The following PCDHA5 variants were observed in gnomAD, a reference collection of about 807,000 sequenced individuals.
PCDHA5 encodes protocadherin alpha-5.
In PCDHA5, 43 loss-of-function variants were observed where a neutral mutation model predicts 61.6. The observed-to-expected ratio is 0.70, with a 90% CI of 0.55 to 0.90. The LOEUF is 0.90. Ranked by LOEUF, PCDHA5 falls within the 40% of genes least tolerant of loss-of-function variation. PCDHA5 has a pLI of 0.00. For synonymous variants in PCDHA5, 627 were observed against 543.9 expected, an observed-to-expected ratio of 1.15 and a Z score of -2.13; for missense variants, 1,298 against 1,222.7, an observed-to-expected ratio of 1.06 and a Z score of -0.92.
intron 1 of PCDHA5, chr5:140,829,205 A>C (rs2150163875): frequency 6.2e-7 from 1 of 1,614,212 alleles, no homozygotes; most frequent in Non-Finnish European, 8.5e-7. Flanking sequence ...CATCGCCCTA[A>C]TTAGCGTGAA....
At chr5:140,969,253 C>T in intron 1 of PCDHA5, 3 of 1,614,202 alleles carry the variant, frequency 1.9e-6, no homozygotes, top group Non-Finnish European at 2.5e-6. Flanking sequence ...TGACTGACAG[C>T]AGGAATCTCA....
At chr5:140,884,152 T>G (rs1279761986) in intron 1 of PCDHA5, 7 of 1,613,332 alleles carry the variant, frequency 4.3e-6, no homozygotes, top group East Asian at 2.2e-5. Context: ...GGCTGTACAC[T>G]GGCGAGATCA....
In PCDHA5 at chr5:140,822,757, C is replaced by T. The variant is rs2150119240; in HGVS notation, c.982C>T (p.Pro328Ser). The T allele has an allele frequency of 2.7e-5, 44 of 1,613,870 alleles. No individual in the cohort carries two copies. Among genetic ancestry groups the T allele is most frequent in the Non-Finnish European group, 3.6e-5 (43 of 1,179,794 alleles). The change falls in exon 1 of 4, where the codon CCA becomes TCA. Residue 328 changes from proline (P) to serine (S), a missense_variant. Physicochemically the swap from Pro to Ser is moderately conservative, Grantham distance 74. Coordinates refer to ENST00000529859, the MANE Select transcript of PCDHA5 (RefSeq NM_018908.3). The part of the protein sequence containing the change: ...NIDAMDKSTF[P>S]LSGHCKVVVK... ...TGATGCCATGGATAAAAGTACATTC[C>T]CATTATCAGGACACTGTAAAGTAGT...
In PCDHA5 at chr5:140,983,247, G is replaced by A. The variant is rs112993813; in HGVS notation, c.2500+684G>A. ...ACTTTCAGGAAAGAGAACCTGCTAA[G>A]TTGTGTAAAAAACCTAATGGCTGGG... On this transcript the variant is annotated intron_variant, in intron 3 of 3. Coordinates refer to ENST00000529859, the MANE Select transcript of PCDHA5 (RefSeq NM_018908.3). Among the ~76,000 whole-genome samples the A allele has an allele frequency of 9.0e-3, 1,377 of 152,306 alleles. 16 individuals are homozygous for A. The highest frequency in any genetic ancestry group is 0.043 in the East Asian group (224 of 5,190).
intron 1 of PCDHA5, among the ~76,000 whole-genome samples, chr5:140,832,290 A>G (rs1433191230): frequency 6.6e-6 from 1 of 152,162 alleles, no homozygotes; most frequent in African/African-American, 2.4e-5. Context: ...TGAATGGTGT[A>G]TTTGCCCACA....
chr5:140,869,346 T>C (rs781810947), intron 1 of PCDHA5: 4 of 1,614,054 alleles, frequency 2.5e-6, no homozygotes, highest in Non-Finnish European at 2.5e-6. Context: ...ATCTGCAGAA[T>C]GGCATTTTGT....
chr5:140,850,045 T>A lies in PCDHA5; in HGVS notation c.2352+25918T>A, dbSNP rs782277317. 1.9e-6 allele frequency: 3 copies of A among 1,596,208 alleles called. No individual in the cohort carries two copies. Among genetic ancestry groups the A allele is most frequent in the Non-Finnish European group, 2.6e-6 (3 of 1,167,714 alleles). On this transcript the variant is annotated intron_variant, in intron 1 of 3. Transcript: ENST00000529859. ...TCAGTGCACGCGGAGAGCGGCAAGG[T>A]GTACGCGCTGCAGCCGTTGGACCAC... is the stretch of plus-strand genomic sequence containing the variant.
chr5:140,927,706 C>G lies in PCDHA5; in HGVS notation c.2353-51243C>G, dbSNP rs1584519766. The G allele has an allele frequency of 1.2e-6, 2 of 1,614,108 alleles. No homozygotes were observed. Among genetic ancestry groups the G allele is most frequent in the African/African-American group, 2.7e-5 (2 of 74,940 alleles). Reference sequence around the variant, plus strand: ...GTCCAATGGGGAAGTCCAGTACTCCCTAAGCAACAGCACGCAAGCAGAGCT... The same window carrying G: ...GTCCAATGGGGAAGTCCAGTACTCCGTAAGCAACAGCACGCAAGCAGAGCT... On this transcript the variant is annotated intron_variant, in intron 1 of 3. Coordinates refer to ENST00000529859, the MANE Select transcript of PCDHA5 (RefSeq NM_018908.3).
chr5:140,965,676 G>A (rs906070464), intron 1 of PCDHA5, among the ~76,000 whole-genome samples: 1 of 152,132 alleles, frequency 6.6e-6, no homozygotes, highest in African/African-American at 2.4e-5. Flanking sequence ...AAATGTAAAA[G>A]ATTTGAAGCA....
intron 1 of PCDHA5, chr5:140,828,472 C>T (rs1554131328): frequency 1.9e-6 from 3 of 1,614,216 alleles, no homozygotes; most frequent in African/African-American, 1.3e-5. Flanking sequence ...GGGACATTAA[C>T]GACAACCCGC....
intron 3 of PCDHA5, among the ~76,000 whole-genome samples, chr5:140,985,740 T>C (rs992695405): frequency 1.9e-5 from 1 of 53,688 alleles, no homozygotes; most frequent in Admixed American, 1.9e-4. Context: ...GATGAATTCC[T>C]TTTTTTTTTT....
chr5:140,957,159 C>G (rs2095337596), intron 1 of PCDHA5, among the ~76,000 whole-genome samples: 1 of 151,974 alleles, frequency 6.6e-6, no homozygotes, highest in Non-Finnish European at 1.5e-5. Flanking sequence ...GGAGACAAAT[C>G]TAAGTATATA....
At position 140,959,344 on chromosome 5, in the gene PCDHA5, C is replaced by T. The variant is rs541663379; in HGVS notation, c.2353-19605C>T. Among the ~76,000 whole-genome samples the T allele has an allele frequency of 2.0e-4, 30 of 152,112 alleles. No individual in the cohort carries two copies. The South Asian group carries it at 6.0e-3, about 31-fold the overall frequency. On this transcript the variant is annotated intron_variant, in intron 1 of 3. Coordinates refer to ENST00000529859, the MANE Select transcript of PCDHA5 (RefSeq NM_018908.3). Reference sequence around the variant, plus strand: ...AAGTTTTGATTATGCTACTGCACTCCAGCGGGACAACTGAGTGAGACCCTG... The same window carrying T: ...AAGTTTTGATTATGCTACTGCACTCTAGCGGGACAACTGAGTGAGACCCTG...
At chr5:140,836,630 A>G in intron 1 of PCDHA5, 3 of 1,613,502 alleles carry the variant, frequency 1.9e-6, no homozygotes, top group South Asian at 1.1e-5. Flanking sequence ...GGAGCTGGTC[A>G]TTCTCCCAGC....
chr5:140,921,974 T>G lies in PCDHA5; in HGVS notation c.2353-56975T>G, dbSNP rs184369031. Among the ~76,000 whole-genome samples the G allele has an allele frequency of 1.1e-3, 161 of 151,826 alleles. 2 individuals are homozygous for G. The highest frequency in any genetic ancestry group is 2.1e-3 in the Non-Finnish European group (141 of 67,922). The stretch of plus-strand genomic sequence containing the variant: ...AATCCCAGAAAACCAAAGGAAAAAA[T>G]AGAACTAAAAAAGAGTTCAATGAAA... On this transcript the variant is annotated intron_variant, in intron 1 of 3. Transcript: ENST00000529859.
Position 140,858,059 on chromosome 5 carries a change from G to C in PCDHA5, c.2352+33932G>C, listed in dbSNP as rs200045353. 1,846 of 1,597,616 alleles carry C rather than the reference G, an allele frequency of 1.2e-3. 155 individuals carry two copies. The highest frequency in any genetic ancestry group is 1.5e-3 in the Middle Eastern group (9 of 5,984). On this transcript the variant is annotated intron_variant, in intron 1 of 3. Coordinates refer to ENST00000529859, the MANE Select transcript of PCDHA5 (RefSeq NM_018908.3). ...CACTGTGCTTGTGTCGCTTGTGGAG[G>C]GCAGCCAGGCACCCAAGGCCTCGTC...
intron 1 of PCDHA5, chr5:140,870,883 C>G: frequency 6.2e-7 from 1 of 1,613,920 alleles, no homozygotes; most frequent in South Asian, 1.1e-5. Flanking sequence ...GGCGAAGGTG[C>G]GCGCAGTGGA....
rs1222255074 is a variant in PCDHA5 at position 141,012,119 on chromosome 5, A to G, written c.*2182A>G. ...CATTTTGCCCCACTGAAGCCCATGT[A>G]TCTGACCTTACGTGCCTTTTGAACT... On this transcript the variant is annotated 3_prime_UTR_variant, in exon 4 of 4. Coordinates refer to ENST00000529859, the MANE Select transcript of PCDHA5 (RefSeq NM_018908.3). 6.5e-6 allele frequency: 1 copy of G among 153,734 alleles called. No individual in the cohort carries two copies. Among genetic ancestry groups the G allele is most frequent in the African/African-American group, 2.4e-5 (1 of 41,454 alleles). 9.5% of individuals were successfully genotyped at this position (153,734 alleles called of 1,614,324 possible). A position where few individuals can be genotyped will look rare whatever the true frequency, so the allele number is the denominator to read the frequency against.
intron 1 of PCDHA5, chr5:140,861,768 T>TATCA (rs1554155221): frequency 1.3e-5 from 2 of 158,832 alleles, no homozygotes; most frequent in African/African-American, 4.8e-5. Context: ...TCCCTGGAAA[T>TATCA]ACCAAGAGCA....
Sources: allele counts gnomAD v4.1 joint callset (sites outside exome capture counted in the v4.1 genomes callset), GRCh38; gene constraint gnomAD v4.1.1; transcripts MANE v1.5; gene names NCBI Gene and HGNC (gene_info 2026-07-23, HGNC 2026-07-21).